ANGPT1: variants seen among roughly 807,000 people sequenced by gnomAD.
The protein encoded by ANGPT1 is angiopoietin-1.
A neutral mutation model predicts 62.2 loss-of-function variants in ANGPT1; 17 were observed. The ratio of observed to expected loss-of-function variants is 0.27; its 90% CI spans 0.19 to 0.41. The LOEUF (loss-of-function observed/expected upper bound fraction) is 0.41, where lower values mean the gene tolerates loss of function less well. Among genes scored for constraint, ANGPT1 ranks in the 10% least tolerant of loss-of-function variants. The pLI, the probability that ANGPT1 is intolerant of heterozygous loss-of-function variation, is 1.00. For synonymous variants in ANGPT1, 199 were observed against 198.9 expected, an observed-to-expected ratio of 1.00 and a Z score of 0.00; for missense variants, 478 against 594.9, an observed-to-expected ratio of 0.80 and a Z score of 2.04.
chr8:107,257,928 C>CTT (rs756617867), intron 8 of ANGPT1, among the ~76,000 whole-genome samples: 42 of 100,062 alleles, frequency 4.2e-4, no homozygotes, highest in African/African-American at 1.6e-3. Flanking sequence ...TTCTTTCTTT[C>CTT]TCTCTCTCTC....
At chr8:107,461,706 TAC>T (rs1812077049) in intron 1 of ANGPT1, among the ~76,000 whole-genome samples, 1 of 152,276 alleles carries the variant, frequency 6.6e-6, no homozygotes, top group Admixed American at 6.5e-5. Context: ...GTGGCCAAAG[TAC>T]ACCATTAACA....
At chr8:107,442,953 A>G (rs930699850) in intron 1 of ANGPT1, among the ~76,000 whole-genome samples, 5 of 152,198 alleles carry the variant, frequency 3.3e-5, no homozygotes, top group African/African-American at 1.2e-4. Flanking sequence ...TAGCAGAGAC[A>G]AGAATTAAAT....
rs796155775 is a variant in ANGPT1 at position 107,466,562 on chromosome 8, G to A, written c.297+30700C>T. ...TATAATTAAGGAAAGGGAATTATTCGTAAAGCCAAGGAAAATCCAAGGATT... is the reference window on the plus strand; with the variant it reads ...TATAATTAAGGAAAGGGAATTATTCATAAAGCCAAGGAAAATCCAAGGATT... On this transcript the variant is annotated intron_variant, in intron 1 of 8. Transcript: ENST00000517746. 9.2e-5 allele frequency among the ~76,000 whole-genome samples: 14 copies of A among 152,150 alleles called. 1 individual carries two copies. The highest frequency in any genetic ancestry group is 2.9e-4 in the African/African-American group (12 of 41,526).
At chr8:107,317,216 C>A (rs183502007) in intron 4 of ANGPT1, among the ~76,000 whole-genome samples, 1 of 152,206 alleles carries the variant, frequency 6.6e-6, no homozygotes, top group Admixed American at 6.5e-5. Context: ...TTCCTTAAAG[C>A]CACAGAATGA....
rs112255184 is a variant in ANGPT1 at position 107,444,596 on chromosome 8, T to C, written c.297+52666A>G. Among the ~76,000 whole-genome samples, 447 of 152,264 alleles carry C rather than the reference T, an allele frequency of 2.9e-3. 3 individuals are homozygous for C. The highest frequency in any genetic ancestry group is 5.6e-3 in the Admixed American group (86 of 15,298). On this transcript the variant is annotated intron_variant, in intron 1 of 8. Coordinates refer to ENST00000517746, the MANE Select transcript of ANGPT1 (RefSeq NM_001146.5). ...CAATAATAATGTCTAGAAAAATCTT[T>C]AAAATTTGGTAAGTTAAGCTGGTAT... is the stretch of plus-strand genomic sequence containing the variant.
intron 1 of ANGPT1, among the ~76,000 whole-genome samples, chr8:107,400,564 T>C (rs1426971557): frequency 3.3e-5 from 5 of 150,374 alleles, no homozygotes; most frequent in Non-Finnish European, 7.4e-5. Context: ...TTTCTTTCTT[T>C]TTTTTTTTTT....
chr8:107,303,881 T>C (rs1814653900), intron 4 of ANGPT1, among the ~76,000 whole-genome samples: 1 of 151,946 alleles, frequency 6.6e-6, no homozygotes, highest in Non-Finnish European at 1.5e-5. Flanking sequence ...TGTGACTTTA[T>C]ATTGAAGAGC....
At chr8:107,326,548 C>T (rs1815293503) in intron 3 of ANGPT1, among the ~76,000 whole-genome samples, 1 of 152,048 alleles carries the variant, frequency 6.6e-6, no homozygotes, top group Admixed American at 6.6e-5. Flanking sequence ...AGACTGCTCT[C>T]TTCTCTTTGA....
chr8:107,278,607 G>C (rs913069793), intron 7 of ANGPT1, among the ~76,000 whole-genome samples: 4 of 152,128 alleles, frequency 2.6e-5, no homozygotes, highest in Non-Finnish European at 5.9e-5. Flanking sequence ...GTGAGATTTG[G>C]AAGGCGAAAG....
At chr8:107,384,266 A>G (rs1816692513) in intron 1 of ANGPT1, among the ~76,000 whole-genome samples, 1 of 152,262 alleles carries the variant, frequency 6.6e-6, no homozygotes, top group Admixed American at 6.5e-5. Context: ...TAAGATACTC[A>G]GGTGACTCTA....
At chr8:107,379,683 G>C (rs988448117) in intron 1 of ANGPT1, among the ~76,000 whole-genome samples, 1 of 152,000 alleles carries the variant, frequency 6.6e-6, no homozygotes, top group Non-Finnish European at 1.5e-5. Context: ...TCCAATTATT[G>C]CCTTATTTTG....
intron 1 of ANGPT1, among the ~76,000 whole-genome samples, chr8:107,357,975 TGAA>T (rs1816083085): frequency 1.3e-5 from 2 of 152,234 alleles, no homozygotes; most frequent in African/African-American, 4.8e-5. Context: ...TTGCTTACAA[TGAA>T]GTTGCTTTGT....
chr8:107,497,301 C>T lies in ANGPT1; in HGVS notation c.258G>A (p.Leu86=), dbSNP rs745305750. The T allele has an allele frequency of 1.9e-5, 30 of 1,614,148 alleles. No individual in the cohort carries two copies. The South Asian group carries it at 3.3e-4, about 18-fold the overall frequency. The part of the protein sequence containing the change: ...PDFSSQKLQH[L]EHVMENYTQW... The stretch of plus-strand genomic sequence containing the variant: ...GAGTATAATTTTCCATCACATGTTC[C>T]AGATGTTGAAGTTTCTGGGAAGAGA... Residue 86 remains leucine, a synonymous_variant, in exon 1 of 9, where the codon CTG becomes CTA. Transcript: ENST00000517746.
chr8:107,450,038 A>G (rs1202782194), intron 1 of ANGPT1, among the ~76,000 whole-genome samples: 1 of 152,020 alleles, frequency 6.6e-6, no homozygotes, highest in Non-Finnish European at 1.5e-5. Flanking sequence ...AAAATATGAA[A>G]ATTAGTGTTT....
chr8:107,493,620 TGACAGTA>T (rs1813021424), intron 1 of ANGPT1, among the ~76,000 whole-genome samples: 1 of 150,560 alleles, frequency 6.6e-6, no homozygotes, highest in Admixed American at 6.7e-5. Flanking sequence ...AATAAAATGC[TGACAGTA>T]GACAGTAAAG....
intron 3 of ANGPT1, among the ~76,000 whole-genome samples, chr8:107,326,495 C>T (rs1397293610): frequency 6.6e-6 from 1 of 152,034 alleles, no homozygotes; most frequent in East Asian, 1.9e-4. Context: ...TTTGACTACA[C>T]TCATCCCCTT....
intron 1 of ANGPT1, among the ~76,000 whole-genome samples, chr8:107,405,838 T>G (rs750140036): frequency 2.6e-5 from 4 of 151,970 alleles, no homozygotes; most frequent in Non-Finnish European, 5.9e-5. Context: ...AAAATAAAAC[T>G]GTAATAAATA....
At chr8:107,305,590 C>T (rs1220043607) in intron 4 of ANGPT1, among the ~76,000 whole-genome samples, 1 of 151,828 alleles carries the variant, frequency 6.6e-6, no homozygotes, top group Non-Finnish European at 1.5e-5. Context: ...GTTGTCAAAA[C>T]CATGAATACA....
At chr8:107,424,071 C>T (rs1810973517) in intron 1 of ANGPT1, among the ~76,000 whole-genome samples, 2 of 151,582 alleles carry the variant, frequency 1.3e-5, no homozygotes, top group Non-Finnish European at 2.9e-5. Flanking sequence ...AAACTCCTGG[C>T]CTCAAGTGAT....
Sources: gnomAD v4.1 joint callset for allele counts (sites outside exome capture counted in the v4.1 genomes callset) on GRCh38, gnomAD v4.1.1 for gene constraint, MANE v1.5 for transcripts, NCBI Gene and HGNC (gene_info 2026-07-23, HGNC 2026-07-21) for gene names.